RNGTT: variants seen among roughly 807,000 people sequenced by gnomAD.
The protein encoded by RNGTT is RNA guanylyltransferase and 5'-phosphatase, also known as mRNA-capping enzyme.
Under a neutral mutation model 79.3 loss-of-function variants are expected in RNGTT, and 33 were observed. That is an observed-to-expected ratio of 0.42 (90% CI 0.32 to 0.56). The LOEUF (loss-of-function observed/expected upper bound fraction) is 0.56. Among genes scored for constraint, RNGTT ranks in the 20% least tolerant of loss-of-function variants. The pLI, the probability that RNGTT is intolerant of heterozygous loss-of-function variation, is 0.17. For synonymous variants in RNGTT, 222 were observed against 235.9 expected (o/e 0.94, Z 0.54); for missense variants, 497 against 739.1 (o/e 0.67, Z 3.80).
intron 4 of RNGTT, among the ~76,000 whole-genome samples, chr6:88,910,790 T>G (rs551655807): frequency 1.4e-4 from 21 of 152,198 alleles, no homozygotes; most frequent in Non-Finnish European, 2.8e-4. Context: ...AACAGCAGAC[T>G]TCTCAGTAGA....
At chr6:88,859,735 G>A (rs1781950223) in intron 8 of RNGTT, among the ~76,000 whole-genome samples, 1 of 152,182 alleles carries the variant, frequency 6.6e-6, no homozygotes, top group African/African-American at 2.4e-5. Flanking sequence ...AAAAGAAGTT[G>A]GAGAATGGAG....
chr6:88,930,044 A>ATATACATATACATGTATATGCGTATG (rs1784455459), intron 2 of RNGTT, among the ~76,000 whole-genome samples: 1 of 143,652 alleles, frequency 7.0e-6, no homozygotes, highest in Admixed American at 6.9e-5. Context: ...ATATATGCAT[A>ATATACATATACATGTATATGCGTATG]TATACATATA....
intron 6 of RNGTT, among the ~76,000 whole-genome samples, chr6:88,897,654 TA>T (rs1783297995): frequency 1.3e-5 from 2 of 152,326 alleles, no homozygotes; most frequent in East Asian, 3.9e-4. Context: ...AGAAAAGGGT[TA>T]ACCTAACACT....
chr6:88,958,172 T>C lies in RNGTT; in HGVS notation c.64+5174A>G, dbSNP rs190889984. On this transcript the variant is annotated intron_variant, in intron 1 of 15. Coordinates refer to ENST00000369485, the MANE Select transcript of RNGTT (RefSeq NM_003800.5). ...AATGGTCCTGGGATAACTAACAAGCTACGCGTAGAAGAATGAAACTCATCT... is the reference window on the plus strand; with the variant it reads ...AATGGTCCTGGGATAACTAACAAGCCACGCGTAGAAGAATGAAACTCATCT... Among the ~76,000 whole-genome samples, 166 of 152,242 alleles carry C rather than the reference T, an allele frequency of 1.1e-3. 1 individual carries two copies. The highest frequency in any genetic ancestry group is 8.4e-4 in the Non-Finnish European group (57 of 68,002).
intron 12 of RNGTT, among the ~76,000 whole-genome samples, chr6:88,776,669 A>C (rs949745880): frequency 1.3e-5 from 2 of 151,802 alleles, no homozygotes; most frequent in African/African-American, 4.8e-5. Context: ...CTTTGGAAAA[A>C]AAAAAAAAAA....
In RNGTT at chr6:88,945,896, T is replaced by C. The variant is rs190764857; in HGVS notation, c.65-4716A>G. Among the ~76,000 whole-genome samples the C allele has an allele frequency of 2.3e-3, 350 of 152,260 alleles. 1 individual carries two copies. The highest frequency in any genetic ancestry group is 8.0e-3 in the African/African-American group (332 of 41,550). On this transcript the variant is annotated intron_variant, in intron 1 of 15. Coordinates refer to ENST00000369485, the MANE Select transcript of RNGTT (RefSeq NM_003800.5). ...AAGTCACATGTTTAAGATGACAGCA[T>C]CAAAGATGGAAAGACTCTAGCGAGT... is the stretch of plus-strand genomic sequence containing the variant.
chr6:88,806,229 G>A (rs545889495), intron 11 of RNGTT, among the ~76,000 whole-genome samples: 47 of 151,974 alleles, frequency 3.1e-4, no homozygotes, highest in African/African-American at 9.9e-4. Flanking sequence ...CAAAGAGAGG[G>A]TCTATATTTT....
intron 12 of RNGTT, among the ~76,000 whole-genome samples, chr6:88,772,572 A>G (rs2127844642): frequency 6.6e-6 from 1 of 151,068 alleles, no homozygotes; most frequent in East Asian, 2.0e-4. Context: ...CAACCTATTC[A>G]TCTGACAAAG....
At chr6:88,660,662 A>G (rs180805527) in intron 14 of RNGTT, among the ~76,000 whole-genome samples, 191 of 152,302 alleles carry the variant, frequency 1.3e-3, no homozygotes, top group Non-Finnish European at 2.4e-3. Flanking sequence ...TCCCAAATTT[A>G]TACAACAATT....
At chr6:88,625,959 C>T (rs1328151957) in intron 14 of RNGTT, among the ~76,000 whole-genome samples, 5 of 151,896 alleles carry the variant, frequency 3.3e-5, no homozygotes, top group Non-Finnish European at 7.4e-5. Flanking sequence ...ATTTGTCAAT[C>T]CACTGGTTAA....
intron 12 of RNGTT, among the ~76,000 whole-genome samples, chr6:88,772,185 A>C (rs1193332984): frequency 6.6e-6 from 1 of 152,110 alleles, no homozygotes; most frequent in Non-Finnish European, 1.5e-5. Flanking sequence ...TCTCAAAAAA[A>C]AAAAATGTGC....
intron 6 of RNGTT, among the ~76,000 whole-genome samples, chr6:88,903,459 T>C (rs772869971): frequency 2.0e-5 from 3 of 152,312 alleles, no homozygotes; most frequent in Admixed American, 6.5e-5. Flanking sequence ...GTTATTTTTC[T>C]AGGTATGTGA....
chr6:88,884,250 A>G (rs548482292), intron 8 of RNGTT, among the ~76,000 whole-genome samples: 1 of 152,324 alleles, frequency 6.6e-6, no homozygotes, highest in Non-Finnish European at 1.5e-5. Flanking sequence ...AACAATCTAA[A>G]TATCTCTATA....
At chr6:88,744,311 G>A (rs1243267108) in intron 13 of RNGTT, among the ~76,000 whole-genome samples, 1 of 151,660 alleles carries the variant, frequency 6.6e-6, no homozygotes, top group Non-Finnish European at 1.5e-5. Context: ...ATCCAGGCTG[G>A]AGTGCAGTGG....
intron 14 of RNGTT, among the ~76,000 whole-genome samples, chr6:88,665,472 C>G (rs1242302675): frequency 2.0e-5 from 3 of 152,234 alleles, no homozygotes; most frequent in Admixed American, 6.5e-5. Flanking sequence ...CAGGCCAGTA[C>G]AGGACTTGCG....
At chr6:88,739,544 G>A (rs2127824152) in intron 13 of RNGTT, among the ~76,000 whole-genome samples, 1 of 151,722 alleles carries the variant, frequency 6.6e-6, no homozygotes, top group East Asian at 1.9e-4. Flanking sequence ...TAATTAGAGA[G>A]CTTTTGCTTT....
At chr6:88,866,587 G>C (rs1782173457) in intron 8 of RNGTT, among the ~76,000 whole-genome samples, 1 of 152,064 alleles carries the variant, frequency 6.6e-6, no homozygotes, top group Admixed American at 6.5e-5. Flanking sequence ...TATCTCCTAA[G>C]GTCACTTAAA....
At chr6:88,672,922 A>G (rs1440401271) in intron 14 of RNGTT, among the ~76,000 whole-genome samples, 1 of 152,118 alleles carries the variant, frequency 6.6e-6, no homozygotes, top group East Asian at 1.9e-4. Flanking sequence ...GTAATGCTCC[A>G]TTTTATATAT....
intron 13 of RNGTT, among the ~76,000 whole-genome samples, chr6:88,727,004 G>GA (rs1010412046): frequency 6.5e-5 from 7 of 108,512 alleles, no homozygotes; most frequent in Non-Finnish European, 1.2e-4. Context: ...AAAAGGGGTG[G>GA]GGGGGGAGAA....
Sources: allele counts gnomAD v4.1 joint callset (sites outside exome capture counted in the v4.1 genomes callset), GRCh38; gene constraint gnomAD v4.1.1; transcripts MANE v1.5; gene names NCBI Gene and HGNC (gene_info 2026-07-23, HGNC 2026-07-21).